Variants in ELMO1 observed in about 807,000 individuals in gnomAD.
ELMO1 encodes engulfment and cell motility protein 1.
Under a neutral mutation model 98.9 loss-of-function variants are expected in ELMO1, and 26 were observed. The ratio of observed to expected loss-of-function variants is 0.26; its 90% CI spans 0.19 to 0.36. ELMO1 has a LOEUF of 0.36. Ranked by LOEUF, ELMO1 falls within the 10% of genes least tolerant of loss-of-function variation. ELMO1 has a pLI of 1.00. For missense variants in ELMO1, 627 were observed against 935.2 expected (o/e 0.67, Z 4.30); for synonymous variants, 346 against 346.0 (o/e 1.00, Z 0.00).
intron 4 of ELMO1, among the ~76,000 whole-genome samples, chr7:37,282,502 G>A (rs1169846657): frequency 6.6e-6 from 1 of 152,166 alleles, no homozygotes; most frequent in Non-Finnish European, 1.5e-5. Flanking sequence ...AACAACTGAG[G>A]GCAATATATG....
chr7:37,378,595 GA>G (rs140634414), intron 1 of ELMO1, among the ~76,000 whole-genome samples: 21 of 147,528 alleles, frequency 1.4e-4, no homozygotes, highest in Middle Eastern at 6.9e-3. Flanking sequence ...TGGTATAAAC[GA>G]AAAAAAAAAC....
At chr7:37,258,667 A>G (rs953853388) in intron 6 of ELMO1, among the ~76,000 whole-genome samples, 4 of 152,234 alleles carry the variant, frequency 2.6e-5, no homozygotes, top group Non-Finnish European at 5.9e-5. Context: ...AATGACAAGT[A>G]TTTAATCATT....
chr7:37,061,901 A>G (rs1313733422), intron 15 of ELMO1, among the ~76,000 whole-genome samples: 1 of 152,082 alleles, frequency 6.6e-6, no homozygotes, highest in African/African-American at 2.4e-5. Flanking sequence ...TGTGACCCCA[A>G]ATGTGCTTCA....
rs991130781 is a variant in ELMO1 at position 37,213,316 on chromosome 7, C to T, written c.954+19G>A. 9 of 1,610,126 alleles carry T rather than the reference C, an allele frequency of 5.6e-6. No homozygotes were observed. The highest frequency in any genetic ancestry group is 7.6e-6 in the Non-Finnish European group (9 of 1,178,318). ...TTCTGTCCTTCCTGTGCTTTGACTG[C>T]TGTCCAATGAGCACTCACCTGGTCC... On this transcript the variant is annotated intron_variant, in intron 12 of 21. Coordinates refer to ENST00000310758, the MANE Select transcript of ELMO1 (RefSeq NM_014800.11).
chr7:37,429,541 G>A (rs1179677074), intron 1 of ELMO1: 1 of 152,252 alleles, frequency 6.6e-6, no homozygotes, highest in African/African-American at 2.4e-5. Context: ...ATCCCCTGCT[G>A]GGCATATTCT....
At chr7:37,437,290 C>T (rs1805190776) in intron 1 of ELMO1, among the ~76,000 whole-genome samples, 2 of 152,090 alleles carry the variant, frequency 1.3e-5, no homozygotes, top group Admixed American at 1.3e-4. Context: ...ATTCTCTCCC[C>T]TCAAAGTAAA....
intron 16 of ELMO1, among the ~76,000 whole-genome samples, chr7:36,965,263 C>G (rs1043046431): frequency 1.3e-5 from 2 of 152,124 alleles, no homozygotes; most frequent in Non-Finnish European, 1.5e-5. Flanking sequence ...GAGGACAGTC[C>G]CCTTGTCTTT....
At chr7:36,980,127 CG>C (rs1790920548) in intron 16 of ELMO1, among the ~76,000 whole-genome samples, 1 of 152,198 alleles carries the variant, frequency 6.6e-6, no homozygotes, top group Admixed American at 6.5e-5. Context: ...AACACCTCCA[CG>C]GAACAGCTGA....
At chr7:37,042,677 A>T (rs1014806913) in intron 15 of ELMO1, among the ~76,000 whole-genome samples, 1 of 152,200 alleles carries the variant, frequency 6.6e-6, no homozygotes, top group African/African-American at 2.4e-5. Context: ...TCCTGAGAAC[A>T]TCGTTCTTTA....
At chr7:36,898,571 G>A (rs1427718018) in intron 16 of ELMO1, among the ~76,000 whole-genome samples, 2 of 152,168 alleles carry the variant, frequency 1.3e-5, no homozygotes, top group South Asian at 2.1e-4. Context: ...AAGCACAGGA[G>A]GTTCCTAAAT....
At chr7:36,920,507 T>C (rs1246408659) in intron 16 of ELMO1, among the ~76,000 whole-genome samples, 5 of 152,216 alleles carry the variant, frequency 3.3e-5, no homozygotes, top group African/African-American at 1.2e-4. Context: ...GTTTATATTC[T>C]AAAACATAAT....
chr7:37,200,089 A>C (rs113138209), intron 13 of ELMO1, among the ~76,000 whole-genome samples: 1 of 151,974 alleles, frequency 6.6e-6, no homozygotes, highest in Non-Finnish European at 1.5e-5. Flanking sequence ...ATCCCCCCAC[A>C]GACAGATAGG....
At chr7:37,014,641 A>G (rs760538156) in intron 15 of ELMO1, among the ~76,000 whole-genome samples, 17 of 151,326 alleles carry the variant, frequency 1.1e-4, no homozygotes, top group Non-Finnish European at 2.1e-4. Flanking sequence ...CCACTCCCCA[A>G]CTGGCCCCGG....
chr7:37,283,419 T>C (rs1797239436), intron 4 of ELMO1, among the ~76,000 whole-genome samples: 1 of 152,238 alleles, frequency 6.6e-6, no homozygotes, highest in African/African-American at 2.4e-5. Flanking sequence ...TTTTGCCTGG[T>C]GTCTAGGCTG....
intron 19 of ELMO1, among the ~76,000 whole-genome samples, chr7:36,874,100 G>A (rs918924124): frequency 8.5e-5 from 13 of 152,222 alleles, no homozygotes; most frequent in African/African-American, 3.1e-4. Context: ...GCCAGGGTTT[G>A]AATTCTACAT....
chr7:37,062,689 C>T (rs1250903309), intron 15 of ELMO1, among the ~76,000 whole-genome samples: 5 of 152,160 alleles, frequency 3.3e-5, no homozygotes, highest in Admixed American at 1.3e-4. Flanking sequence ...ATTCAGTTAC[C>T]GTTCCCATAG....
intron 16 of ELMO1, among the ~76,000 whole-genome samples, chr7:36,916,510 G>A (rs895398078): frequency 2.6e-5 from 4 of 152,252 alleles, no homozygotes; most frequent in African/African-American, 4.8e-5. Context: ...TGAGCAGAGA[G>A]ATGAAAATAA....
chr7:37,232,414 A>C (rs183634803), intron 8 of ELMO1, among the ~76,000 whole-genome samples: 57 of 152,374 alleles, frequency 3.7e-4, no homozygotes, highest in Admixed American at 1.7e-3. Flanking sequence ...ATCTACATTT[A>C]AGAGTGACAA....
At chr7:37,445,960 T>G (rs1805595570) in intron 1 of ELMO1, among the ~76,000 whole-genome samples, 1 of 152,214 alleles carries the variant, frequency 6.6e-6, no homozygotes. Context: ...TTAAGTGTAC[T>G]GGTTATCTAA....
Sources: allele counts gnomAD v4.1 joint callset (sites outside exome capture counted in the v4.1 genomes callset), GRCh38; gene constraint gnomAD v4.1.1; transcripts MANE v1.5; gene names NCBI Gene and HGNC (gene_info 2026-07-23, HGNC 2026-07-21).